Variants in ZNF385D observed in about 807,000 individuals in gnomAD.
ZNF385D encodes the protein zinc finger protein 385D, also known as zinc finger protein 659.
A neutral mutation model predicts 35.8 loss-of-function variants in ZNF385D; 15 were observed. The observed-to-expected ratio is 0.42, with a 90% CI of 0.28 to 0.64. ZNF385D has a LOEUF of 0.64. ZNF385D is among the 30% of genes least tolerant of loss of function. The pLI is 0.23. For synonymous variants in ZNF385D, 212 were observed against 186.8 expected, an observed-to-expected ratio of 1.13 and a Z score of -1.10; for missense variants, 474 against 494.6, an observed-to-expected ratio of 0.96 and a Z score of 0.39.
chr3:21,923,054 T>C (rs1290881335), intron 3 of ZNF385D, among the ~76,000 whole-genome samples: 1 of 152,076 alleles, frequency 6.6e-6, no homozygotes, highest in Non-Finnish European at 1.5e-5. Context: ...TTTATTATAC[T>C]TTAAGTTTTA....
intron 3 of ZNF385D, among the ~76,000 whole-genome samples, chr3:21,861,332 A>G (rs1559699931): frequency 6.6e-6 from 1 of 152,104 alleles, no homozygotes; most frequent in Non-Finnish European, 1.5e-5. Context: ...AGTTAGTGGA[A>G]TTTTTTATTT....
chr3:21,725,968 G>C (rs186717973), intron 1 of ZNF385D, among the ~76,000 whole-genome samples: 1 of 152,116 alleles, frequency 6.6e-6, no homozygotes, highest in Non-Finnish European at 1.5e-5. Context: ...ACATCAAAAA[G>C]TTTATCCACT....
intron 3 of ZNF385D, among the ~76,000 whole-genome samples, chr3:22,066,616 C>T (rs1217869976): frequency 6.7e-6 from 1 of 148,336 alleles, no homozygotes; most frequent in African/African-American, 2.5e-5. Context: ...GGTTCCCTAT[C>T]TGTGCACCAG....
intron 3 of ZNF385D, among the ~76,000 whole-genome samples, chr3:21,851,988 T>A (rs1005107926): frequency 1.3e-5 from 2 of 152,088 alleles, no homozygotes; most frequent in Admixed American, 1.3e-4. Flanking sequence ...TTGTTACTTA[T>A]CTTTCTCTTC....
chr3:21,720,424 C>T (rs1310468866), intron 1 of ZNF385D, among the ~76,000 whole-genome samples: 2 of 152,102 alleles, frequency 1.3e-5, no homozygotes, highest in Non-Finnish European at 2.9e-5. Flanking sequence ...TGTGGTGGTA[C>T]ACATCTGTAC....
intron 3 of ZNF385D, among the ~76,000 whole-genome samples, chr3:21,834,593 C>G (rs1452794720): frequency 6.6e-6 from 1 of 152,162 alleles, no homozygotes; most frequent in African/African-American, 2.4e-5. Context: ...GTACTCCCAG[C>G]TAAGTGAGCC....
At chr3:21,926,469 C>CT (rs148928868) in intron 3 of ZNF385D, among the ~76,000 whole-genome samples, 1 of 152,070 alleles carries the variant, frequency 6.6e-6, no homozygotes, top group Non-Finnish European at 1.5e-5. Flanking sequence ...CGAACTCATC[C>CT]TTTTTTATGG....
At chr3:21,848,357 ATATT>A (rs1311029894) in intron 3 of ZNF385D, among the ~76,000 whole-genome samples, 1 of 152,008 alleles carries the variant, frequency 6.6e-6, no homozygotes, top group African/African-American at 2.4e-5. Context: ...CTTCGGATAA[ATATT>A]TAGAAATAGG....
intron 4 of ZNF385D, among the ~76,000 whole-genome samples, chr3:21,473,430 G>A (rs1704028322): frequency 6.6e-6 from 1 of 151,950 alleles, no homozygotes; most frequent in African/African-American, 2.4e-5. Context: ...CTCCTTTTCT[G>A]GCAAATAGTA....
At chr3:22,074,903 C>T (rs753840582) in intron 3 of ZNF385D, among the ~76,000 whole-genome samples, 20 of 151,830 alleles carry the variant, frequency 1.3e-4, no homozygotes, top group Non-Finnish European at 2.2e-4. Flanking sequence ...TGGTTCTCAA[C>T]ATGAGCAACG....
intron 2 of ZNF385D, among the ~76,000 whole-genome samples, chr3:22,255,789 AG>A (rs1477107684): frequency 3.1e-5 from 4 of 130,964 alleles, no homozygotes; most frequent in Admixed American, 1.6e-4. Context: ...TCCTTAACTC[AG>A]TTTTTTTTTT....
intron 2 of ZNF385D, among the ~76,000 whole-genome samples, chr3:22,261,086 ACTAT>A (rs1362296182): frequency 5.8e-5 from 8 of 138,356 alleles, no homozygotes; most frequent in East Asian, 2.0e-4. Context: ...TTTGCCTACA[ACTAT>A]CTATCCATCC....
At chr3:22,303,562 T>C (rs970065890) in intron 2 of ZNF385D, among the ~76,000 whole-genome samples, 23 of 152,316 alleles carry the variant, frequency 1.5e-4, no homozygotes, top group African/African-American at 5.1e-4. Context: ...ACATATTCTA[T>C]ACTGCAGCTT....
chr3:21,535,536 A>G (rs1559381029), intron 3 of ZNF385D, among the ~76,000 whole-genome samples: 1 of 152,146 alleles, frequency 6.6e-6, no homozygotes, highest in Admixed American at 6.5e-5. Context: ...GAGAATGATT[A>G]TCATGAAACT....
chr3:21,922,747 G>C (rs1490940087), intron 3 of ZNF385D, among the ~76,000 whole-genome samples: 1 of 152,048 alleles, frequency 6.6e-6, no homozygotes, highest in Non-Finnish European at 1.5e-5. Flanking sequence ...TTATGGCTAA[G>C]TCTTCAAAAA....
At chr3:21,877,239 G>A (rs1478199152) in intron 3 of ZNF385D, among the ~76,000 whole-genome samples, 2 of 151,914 alleles carry the variant, frequency 1.3e-5, no homozygotes, top group African/African-American at 4.8e-5. Context: ...ACCCTGCTTT[G>A]GCTCTGTATG....
chr3:21,682,239 G>A (rs1259762782), intron 1 of ZNF385D, among the ~76,000 whole-genome samples: 3 of 132,884 alleles, frequency 2.3e-5, no homozygotes, highest in African/African-American at 8.3e-5. Flanking sequence ...TAAGTTAGAA[G>A]CCAGAAAGAT....
chr3:22,039,137 T>C (rs1698510534), intron 3 of ZNF385D, among the ~76,000 whole-genome samples: 1 of 150,556 alleles, frequency 6.6e-6, no homozygotes, highest in Admixed American at 6.7e-5. Context: ...ATAGCAAAAC[T>C]ATGTAAAAAG....
intron 3 of ZNF385D, among the ~76,000 whole-genome samples, chr3:21,523,519 G>A (rs541362833): frequency 2.1e-4 from 32 of 152,268 alleles, no homozygotes; most frequent in Admixed American, 2.1e-3. Context: ...AATATTACGT[G>A]CATCACTCTT....
Sources: allele counts gnomAD v4.1 joint callset (sites outside exome capture counted in the v4.1 genomes callset), GRCh38; gene constraint gnomAD v4.1.1; transcripts MANE v1.5; gene names NCBI Gene and HGNC (gene_info 2026-07-23, HGNC 2026-07-21).